Variants in CAPN8 observed in about 807,000 individuals in gnomAD.
CAPN8 encodes the protein calpain-8.
A neutral mutation model predicts 80.9 loss-of-function variants in CAPN8; 87 were observed. That is an observed-to-expected ratio of 1.07 (90% CI 0.90 to 1.28). The LOEUF (loss-of-function observed/expected upper bound fraction) is 1.28. Among genes scored for constraint, CAPN8 ranks in the 50% most tolerant of loss-of-function variants. The pLI is 0.00. For missense variants in CAPN8, 757 were observed against 702.0 expected, an observed-to-expected ratio of 1.08 and a Z score of -0.89; for synonymous variants, 299 against 273.8, an observed-to-expected ratio of 1.09 and a Z score of -0.91.
At chr1:223,610,504 A>G (rs1428720021) in intron 11 of CAPN8, among the ~76,000 whole-genome samples, 2 of 152,210 alleles carry the variant, frequency 1.3e-5, no homozygotes, top group Non-Finnish European at 2.9e-5. Flanking sequence ...CATTCTTGCC[A>G]TACCTGATGG....
At chr1:223,612,981 T>C (rs1291890161) in intron 10 of CAPN8, among the ~76,000 whole-genome samples, 3 of 152,196 alleles carry the variant, frequency 2.0e-5, no homozygotes, top group Non-Finnish European at 4.4e-5. Context: ...GGCTTTATTA[T>C]ATGCAACTGG....
rs1371568482 is a variant in CAPN8, at chr1:223,665,457, C to A, written c.190G>T (p.Gly64Ter). The part of the protein sequence containing the change: ...CPSALGYKDL[G>*]PGSPQTQGII... ...CCTTGAGTTTGCGGAGAGCCTGGTC[C>A]AAGATCCTTGTAGCCCAAAGCTGAT... Residue 64 changes from glycine to a stop codon, truncating the protein, a stop_gained, in exon 1 of 21, where the codon GGA (glycine) becomes TGA (stop). Coordinates refer to ENST00000366872, the MANE Select transcript of CAPN8 (RefSeq NM_001143962.2). LOFTEE classifies it high-confidence loss of function. 3 of 1,552,104 alleles carry A rather than the reference C, an allele frequency of 1.9e-6. No homozygotes were observed. The highest frequency in any genetic ancestry group is 2.6e-6 in the Non-Finnish European group (3 of 1,147,082).
intron 1 of CAPN8, among the ~76,000 whole-genome samples, chr1:223,656,411 G>A (rs1314070621): frequency 6.6e-6 from 1 of 151,940 alleles, no homozygotes; most frequent in Admixed American, 6.6e-5. Context: ...AGTAAGCCAA[G>A]ATCACGCCAT....
In CAPN8 at chr1:223,626,910, C is replaced by T. The variant is rs1022547231; in HGVS notation, c.729+79G>A. On this transcript the variant is annotated intron_variant, in intron 5 of 20. Coordinates refer to ENST00000366872, the MANE Select transcript of CAPN8 (RefSeq NM_001143962.2). ...CCCAAAGCCTTCCTAGGCCTCTCTC[C>T]CGCTGTCTCATCCCTTCCCTACCAC... 13 of 1,455,736 alleles carry T rather than the reference C, an allele frequency of 8.9e-6. 1 individual carries two copies. The Admixed American group carries it at 2.1e-4, about 23-fold the overall frequency. The allele number at this position is 1,455,736 out of a possible 1,614,324, so 90.2% of individuals were successfully genotyped here.
intron 9 of CAPN8, among the ~76,000 whole-genome samples, chr1:223,618,815 G>A (rs1657284792): frequency 6.6e-6 from 1 of 152,208 alleles, no homozygotes. Context: ...CACAACCCTG[G>A]CCTCCAAGCC....
At chr1:223,627,394 C>T (rs893177212) in intron 4 of CAPN8, among the ~76,000 whole-genome samples, 1 of 152,218 alleles carries the variant, frequency 6.6e-6, no homozygotes, top group East Asian at 1.9e-4. Flanking sequence ...CTTTACAAAG[C>T]CAAGGGCAAC....
intron 16 of CAPN8, among the ~76,000 whole-genome samples, chr1:223,547,756 G>A (rs1043177616): frequency 1.3e-5 from 2 of 152,138 alleles, no homozygotes; most frequent in African/African-American, 2.4e-5. Flanking sequence ...TCTTTGAACC[G>A]TGAGAGACAC....
intron 2 of CAPN8, among the ~76,000 whole-genome samples, chr1:223,643,060 G>T (rs888617587): frequency 1.2e-4 from 18 of 152,232 alleles, no homozygotes; most frequent in Non-Finnish European, 2.2e-4. Context: ...AAAGCGGCTT[G>T]CTTACTGAGT....
intron 2 of CAPN8, among the ~76,000 whole-genome samples, chr1:223,642,478 A>T (rs1218876202): frequency 1.3e-5 from 2 of 152,184 alleles, no homozygotes; most frequent in African/African-American, 4.8e-5. Flanking sequence ...CAGACCTGAT[A>T]GCAGCGTAGA....
At chr1:223,633,591 G>A (rs1277326047) in intron 2 of CAPN8, among the ~76,000 whole-genome samples, 1 of 152,114 alleles carries the variant, frequency 6.6e-6, no homozygotes, top group Non-Finnish European at 1.5e-5. Context: ...GAGCCCAGGA[G>A]GCAGAGGTTG....
Position 223,541,698 on chromosome 1 carries a change from T to C in CAPN8, c.*138A>G, listed in dbSNP as rs974996250. On this transcript the variant is annotated 3_prime_UTR_variant, in exon 21 of 21. Transcript: ENST00000366872. ...TACATAGCTCATAGCTCAGTGCTGC[T>C]GAAATAGACCCAGGGCAAGAAAGGT... The C allele has an allele frequency of 1.5e-5, 21 of 1,392,194 alleles. No homozygotes were observed. The highest frequency in any genetic ancestry group is 2.0e-5 in the Non-Finnish European group (20 of 1,005,424). 86.2% of individuals were successfully genotyped at this position (1,392,194 alleles called of 1,614,324 possible).
chr1:223,651,090 A>G (rs1322389779), intron 2 of CAPN8, among the ~76,000 whole-genome samples: 1 of 152,154 alleles, frequency 6.6e-6, no homozygotes, highest in Non-Finnish European at 1.5e-5. Flanking sequence ...GGCGACCCTG[A>G]GACTCCTTCC....
chr1:223,545,001 A>T, intron 17 of CAPN8, 151 bp from the exon 18 acceptor site: 1 of 1,458,984 alleles, frequency 6.9e-7, no homozygotes, highest in Non-Finnish European at 9.1e-7. Flanking sequence ...CAGAGCAAGC[A>T]TAAGAGCTTG....
chr1:223,558,776 G>A (rs1656960150), intron 12 of CAPN8, among the ~76,000 whole-genome samples: 1 of 150,758 alleles, frequency 6.6e-6, no homozygotes, highest in African/African-American at 2.4e-5. Flanking sequence ...TGTGTTTGGT[G>A]TGTGTGGTAT....
At chr1:223,615,657 T>C in intron 10 of CAPN8, 1 of 479,414 alleles carries the variant, frequency 2.1e-6, no homozygotes, top group Non-Finnish European at 4.1e-6. Context: ...TGTTCTTGGC[T>C]CTTGTCCCTG....
chr1:223,549,405 G>C (rs765886359), intron 15 of CAPN8, 23 bp from the exon 16 acceptor site: 2 of 1,551,638 alleles, frequency 1.3e-6, no homozygotes, highest in South Asian at 2.4e-5. Context: ...ATAGAAAAGG[G>C]GAGTGGGAAT....
chr1:223,658,241 A>G (rs1658550165), intron 1 of CAPN8, among the ~76,000 whole-genome samples: 2 of 152,134 alleles, frequency 1.3e-5, no homozygotes, highest in Admixed American at 1.3e-4. Context: ...CTCATTTTTC[A>G]TTAGATTCAT....
chr1:223,649,014 G>C (rs1190448641), intron 2 of CAPN8, among the ~76,000 whole-genome samples: 1 of 152,168 alleles, frequency 6.6e-6, no homozygotes, highest in East Asian at 1.9e-4. Flanking sequence ...GATAAACCTA[G>C]TAGCATGTGT....
At chr1:223,660,798 G>A (rs377031834) in intron 1 of CAPN8, among the ~76,000 whole-genome samples, 1 of 152,156 alleles carries the variant, frequency 6.6e-6, no homozygotes, top group African/African-American at 2.4e-5. Flanking sequence ...TGGACTTAAA[G>A]CCCCCAACAC....
Sources: allele counts gnomAD v4.1 joint callset (sites outside exome capture counted in the v4.1 genomes callset), GRCh38; gene constraint gnomAD v4.1.1; transcripts MANE v1.5; gene names NCBI Gene and HGNC (gene_info 2026-07-23, HGNC 2026-07-21).